Variants in MMRN1 observed in about 807,000 individuals in gnomAD.
MMRN1 encodes the protein multimerin-1.
A neutral mutation model predicts 100.7 loss-of-function variants in MMRN1; 94 were observed. That is an observed-to-expected ratio of 0.93 (90% confidence interval 0.79 to 1.11). The LOEUF is 1.11. Among genes scored for constraint, MMRN1 ranks in the 50% least tolerant of loss-of-function variants. The pLI, the probability that MMRN1 is intolerant of heterozygous loss-of-function variation, is 0.00. For missense variants in MMRN1, 1,606 were observed against 1,439.1 expected (o/e 1.12, Z -1.88); for synonymous variants, 575 against 505.0 (o/e 1.14, Z -1.86).
chr4:89,948,347 G>C (rs369817572), intron 6 of MMRN1, among the ~76,000 whole-genome samples: 28 of 152,112 alleles, frequency 1.8e-4, no homozygotes, highest in African/African-American at 6.8e-4. Flanking sequence ...TGATAACAAA[G>C]ATAGGGGAGG....
At chr4:89,894,834 C>A, upstream of MMRN1, 1 of 1,415,758 alleles carries the variant, frequency 7.1e-7, no homozygotes, top group Non-Finnish European at 9.3e-7. Context: ...CTACAAAACA[C>A]AGAAACCTGT....
chr4:89,895,059 C>A lies in MMRN1; in HGVS notation c.88C>A (p.Pro30Thr), dbSNP rs1400477944. 5.6e-6 allele frequency: 9 copies of A among 1,613,872 alleles called. No homozygotes were observed. Among genetic ancestry groups the A allele is most frequent in the Non-Finnish European group, 6.8e-6 (8 of 1,179,882 alleles). Reference sequence around the variant, plus strand: ...CAACAGTAAGCATTCTTGGACTATACCTGAGGATGGGAACTCTCAGAAGAC... The same window carrying A: ...CAACAGTAAGCATTCTTGGACTATAACTGAGGATGGGAACTCTCAGAAGAC... ...LNNSKHSWTIPEDGNSQKTMP... is the reference protein window; with the variant it reads ...LNNSKHSWTITEDGNSQKTMP... Residue 30 changes from proline (P) to threonine (T), a missense_variant, in exon 1 of 8, where the codon CCT becomes ACT. Pro to Thr is a conservative substitution (Grantham distance 38). Transcript: ENST00000264790.
chr4:89,911,109 G>T (rs1721734526), intron 2 of MMRN1, among the ~76,000 whole-genome samples: 1 of 151,412 alleles, frequency 6.6e-6, no homozygotes, highest in Non-Finnish European at 1.5e-5. Flanking sequence ...AAACTAAAAT[G>T]AAAATTAAGC....
At chr4:89,918,608 A>G (rs1444203246) in intron 3 of MMRN1, among the ~76,000 whole-genome samples, 1 of 151,888 alleles carries the variant, frequency 6.6e-6, no homozygotes, top group African/African-American at 2.4e-5. Flanking sequence ...AGCAGTAAAT[A>G]TGAAATTCAT....
chr4:89,911,492 T>G (rs570331957), intron 2 of MMRN1, among the ~76,000 whole-genome samples: 1 of 151,446 alleles, frequency 6.6e-6, no homozygotes, highest in South Asian at 2.1e-4. Context: ...TAATTTCAAT[T>G]AGATCACGAA....
intron 7 of MMRN1, 60 bp from the exon 8 acceptor site, chr4:89,952,937 A>T: frequency 7.2e-7 from 1 of 1,388,544 alleles, no homozygotes; most frequent in Non-Finnish European, 9.4e-7. Flanking sequence ...CGAAGATATA[A>T]GGAAAGAAAA....
At chr4:89,909,420 C>A (rs1295700660) in intron 2 of MMRN1, 25 bp downstream of exon 2, 1 of 1,606,534 alleles carries the variant, frequency 6.2e-7, no homozygotes, top group Non-Finnish European at 8.5e-7. Flanking sequence ...TTGAAAATAG[C>A]CACTGTTTTT....
At position 89,953,114 on chromosome 4, in the gene MMRN1, C is replaced by G. The variant is rs570916565; in HGVS notation, c.3383C>G (p.Ala1128Gly). Reference sequence around the variant, plus strand: ...AATAACTTGGATGTCAATTATGGAGCTTCATATACCCCAAGAACTGGAAAA... The same window carrying G: ...AATAACTTGGATGTCAATTATGGAGGTTCATATACCCCAAGAACTGGAAAA... ...LFNNLDVNYG[A>G]SYTPRTGKFR... The change falls in exon 8 of 8, where the codon GCT becomes GGT. Residue 1128 changes from alanine (A) to glycine (G), a missense_variant. Transcript: ENST00000264790. 1.2e-6 allele frequency: 2 copies of G among 1,613,800 alleles called. No individual in the cohort carries two copies. Among genetic ancestry groups the G allele is most frequent in the East Asian group, 4.5e-5 (2 of 44,852 alleles).
At chr4:89,905,697 G>A (rs1721545352) in intron 1 of MMRN1, among the ~76,000 whole-genome samples, 1 of 151,322 alleles carries the variant, frequency 6.6e-6, no homozygotes, top group Admixed American at 6.6e-5. Context: ...ACGTTAAAGG[G>A]CATGATGGGA....
chr4:89,942,843 C>T lies in MMRN1; in HGVS notation c.3118+6045C>T, dbSNP rs539368008. On this transcript the variant is annotated intron_variant, in intron 6 of 7. Transcript: ENST00000264790. ...CCAGAATGATAAAAGTTCTAAACTA[C>T]ACTTATTTTTTTACTTTTTACAAAA... Among the ~76,000 whole-genome samples the T allele has an allele frequency of 1.1e-3, 170 of 152,236 alleles. 1 individual carries two copies. The highest frequency in any genetic ancestry group is 4.0e-3 in the African/African-American group (165 of 41,564).
At chr4:89,882,514 T>C (rs1720841979) in intron 1 of MMRN1, among the ~76,000 whole-genome samples, 1 of 151,908 alleles carries the variant, frequency 6.6e-6, no homozygotes, top group African/African-American at 2.4e-5. Context: ...GTTTTCTTAA[T>C]GCTCTTTTGC....
At chr4:89,892,443 A>T (rs1370163994), upstream of MMRN1, among the ~76,000 whole-genome samples, 1 of 151,678 alleles carries the variant, frequency 6.6e-6, no homozygotes, top group African/African-American at 2.4e-5. Context: ...TCATCTCAGC[A>T]ATATTATTTT....
At chr4:89,893,407 GA>G (rs1234281041), upstream of MMRN1, among the ~76,000 whole-genome samples, 3 of 152,158 alleles carry the variant, frequency 2.0e-5, no homozygotes, top group African/African-American at 7.2e-5. Context: ...GCTCAAGGAA[GA>G]ATTAGGCCTT....
intron 2 of MMRN1, among the ~76,000 whole-genome samples, chr4:89,911,326 C>T (rs1438552242): frequency 6.6e-6 from 1 of 151,314 alleles, no homozygotes; most frequent in African/African-American, 2.4e-5. Flanking sequence ...TCTATGGTTT[C>T]ATCTTAAAAA....
chr4:89,901,501 A>C (rs1296528505), intron 1 of MMRN1, among the ~76,000 whole-genome samples: 2 of 152,046 alleles, frequency 1.3e-5, no homozygotes, highest in East Asian at 3.9e-4. Flanking sequence ...GTGAATTATG[A>C]ATAGGTTTTA....
intron 3 of MMRN1, among the ~76,000 whole-genome samples, chr4:89,916,189 A>G (rs1452587920): frequency 6.6e-6 from 1 of 151,646 alleles, no homozygotes; most frequent in East Asian, 1.9e-4. Context: ...AAGATAACAT[A>G]AACTATTGAA....
chr4:89,923,215 A>G lies in MMRN1; in HGVS notation c.898A>G (p.Thr300Ala). 6.2e-7 allele frequency: 1 copy of G among 1,614,016 alleles called. No homozygotes were observed. The highest frequency in any genetic ancestry group is 1.3e-5 in the African/African-American group (1 of 75,062). Residue 300 changes from threonine to alanine, a missense_variant, in exon 4 of 8, where the codon ACA (threonine) becomes GCA (alanine). Physicochemically the swap from Thr to Ala is moderately conservative, Grantham distance 58 (BLOSUM62 0). Transcript: ENST00000264790. ...LIHTNQAESH[T>A]AVGRGVAEQQ... The stretch of plus-strand genomic sequence containing the variant: ...ACACACCAACCAGGCTGAAAGTCAT[A>G]CAGCTGTTGGCAGAGGAGTAGCTGA...
chr4:89,917,033 C>T (rs976161062), intron 3 of MMRN1, among the ~76,000 whole-genome samples: 9 of 151,694 alleles, frequency 5.9e-5, no homozygotes, highest in Non-Finnish European at 1.0e-4. Context: ...TGATGACATG[C>T]TCCTACTGAA....
At chr4:89,893,656 T>C (rs1263067292), upstream of MMRN1, among the ~76,000 whole-genome samples, 1 of 152,128 alleles carries the variant, frequency 6.6e-6, no homozygotes, top group African/African-American at 2.4e-5. Context: ...TGGATTTAGC[T>C]TCCAAATAAC....
Sources: allele counts gnomAD v4.1 joint callset (sites outside exome capture counted in the v4.1 genomes callset), GRCh38; gene constraint gnomAD v4.1.1; transcripts MANE v1.5; gene names NCBI Gene and HGNC (gene_info 2026-07-23, HGNC 2026-07-21).